The following ST7 variants were observed in gnomAD, a reference collection of about 807,000 sequenced individuals.
ST7 encodes suppressor of tumorigenicity 7 protein.
Under a neutral mutation model 78.7 loss-of-function variants are expected in ST7, and 28 were observed. That is an observed-to-expected ratio of 0.36 (90% CI 0.26 to 0.49). ST7 has a LOEUF of 0.49. Among genes scored for constraint, ST7 ranks in the 20% least tolerant of loss-of-function variants. The pLI is 0.99. For missense variants in ST7, 418 were observed against 696.0 expected (o/e 0.60, Z 4.49); for synonymous variants, 247 against 249.6 (o/e 0.99, Z 0.10).
At chr7:117,103,651 G>A (rs907492603) in intron 2 of ST7, among the ~76,000 whole-genome samples, 1 of 152,180 alleles carries the variant, frequency 6.6e-6, no homozygotes, top group Non-Finnish European at 1.5e-5. Context: ...CACTGTGAAA[G>A]AAAACATTGG....
intron 3 of ST7, among the ~76,000 whole-genome samples, chr7:117,124,915 C>T (rs1243305178): frequency 6.6e-6 from 1 of 152,088 alleles, no homozygotes; most frequent in African/African-American, 2.4e-5. Flanking sequence ...TTGTGGTCAG[C>T]CGGGCTTACT....
At chr7:117,200,676 A>C (rs969013506) in intron 12 of ST7, among the ~76,000 whole-genome samples, 1 of 152,114 alleles carries the variant, frequency 6.6e-6, no homozygotes, top group Non-Finnish European at 1.5e-5. Flanking sequence ...ACTGGGCTTG[A>C]CACAATATGG....
chr7:117,103,545 A>G (rs1419804579), intron 2 of ST7, among the ~76,000 whole-genome samples: 2 of 152,224 alleles, frequency 1.3e-5, no homozygotes, highest in Non-Finnish European at 2.9e-5. Flanking sequence ...CTGAATAACC[A>G]TATGTTGAAG....
intron 14 of ST7, among the ~76,000 whole-genome samples, chr7:117,220,073 A>G (rs1335518506): frequency 6.6e-6 from 1 of 152,140 alleles, no homozygotes. Context: ...AGTTATATCA[A>G]TATCTTATAG....
intron 1 of ST7, chr7:116,972,600 CT>C: frequency 1.4e-6 from 2 of 1,417,350 alleles, no homozygotes; most frequent in Non-Finnish European, 9.9e-7. Flanking sequence ...GGAGTTCCAT[CT>C]TTTCTTCATC....
intron 1 of ST7, among the ~76,000 whole-genome samples, chr7:117,043,231 T>C (rs544789323): frequency 1.4e-4 from 21 of 152,322 alleles, no homozygotes; most frequent in Admixed American, 1.4e-3. Context: ...ATGTATTCAG[T>C]CTTAGTAATT....
intron 10 of ST7, chr7:117,173,313 A>T (rs1388291794): frequency 1.3e-5 from 2 of 152,198 alleles, no homozygotes; most frequent in African/African-American, 4.8e-5. Flanking sequence ...ATGACCTAAC[A>T]CCGACTGAAT....
At chr7:117,217,705 A>G (rs990022538) in intron 13 of ST7, among the ~76,000 whole-genome samples, 5 of 152,150 alleles carry the variant, frequency 3.3e-5, no homozygotes, top group African/African-American at 1.2e-4. Context: ...GGTGTTTTTA[A>G]TGTTTTAATC....
chr7:116,988,876 T>A (rs940759490), intron 1 of ST7, among the ~76,000 whole-genome samples: 1 of 152,318 alleles, frequency 6.6e-6, no homozygotes, highest in South Asian at 2.1e-4. Flanking sequence ...ATATATATAT[T>A]TTTAAAATTC....
chr7:117,060,874 C>T (rs528288058), intron 1 of ST7, among the ~76,000 whole-genome samples: 35 of 152,114 alleles, frequency 2.3e-4, no homozygotes, highest in Middle Eastern at 3.4e-3. Context: ...GGTGTGGTGG[C>T]GGGCGCCTGT....
chr7:117,199,895 A>G (rs1276083580), intron 12 of ST7, among the ~76,000 whole-genome samples: 1 of 152,186 alleles, frequency 6.6e-6, no homozygotes, highest in Non-Finnish European at 1.5e-5. Flanking sequence ...GCTGTTACAA[A>G]CATTCTCCAA....
At chr7:117,025,911 TA>T (rs1796161440) in intron 1 of ST7, among the ~76,000 whole-genome samples, 3 of 152,186 alleles carry the variant, frequency 2.0e-5, no homozygotes, top group Non-Finnish European at 2.9e-5. Flanking sequence ...AGAAATGGAG[TA>T]AAAATATGCA....
chr7:117,218,848 C>T (rs1234478822), intron 13 of ST7, among the ~76,000 whole-genome samples: 1 of 152,222 alleles, frequency 6.6e-6, no homozygotes, highest in Admixed American at 6.5e-5. Flanking sequence ...CTCTGCACCT[C>T]TGTCCCCACC....
intron 1 of ST7, among the ~76,000 whole-genome samples, chr7:116,963,113 A>T (rs1792917882): frequency 6.6e-6 from 1 of 152,242 alleles, no homozygotes; most frequent in Non-Finnish European, 1.5e-5. Context: ...ATTAAACTAT[A>T]TAATAGAATC....
chr7:117,017,492 C>G (rs1191979829), intron 1 of ST7, among the ~76,000 whole-genome samples: 1 of 152,060 alleles, frequency 6.6e-6, no homozygotes, highest in African/African-American at 2.4e-5. Flanking sequence ...GTTTTCCTTC[C>G]TTTCGTTGCT....
At chr7:116,953,750 G>T in intron 1 of ST7, 59 bp downstream of exon 1, 1 of 1,253,702 alleles carries the variant, frequency 8.0e-7, no homozygotes, top group Non-Finnish European at 1.0e-6. Context: ...GAAAGTTAGT[G>T]CAACTCGCGC....
intron 1 of ST7, among the ~76,000 whole-genome samples, chr7:116,957,923 C>A (rs894514886): frequency 2.6e-5 from 4 of 152,344 alleles, no homozygotes; most frequent in South Asian, 2.1e-4. Context: ...TTTCAAAGAT[C>A]TTTGAAATCC....
intron 1 of ST7, among the ~76,000 whole-genome samples, chr7:117,054,439 G>A (rs894645067): frequency 6.6e-6 from 1 of 152,296 alleles, no homozygotes; most frequent in Non-Finnish European, 1.5e-5. Flanking sequence ...ACAATGCGTC[G>A]CACATGCATC....
At chr7:117,160,169 G>A (rs984348677) in intron 9 of ST7, among the ~76,000 whole-genome samples, 1 of 150,100 alleles carries the variant, frequency 6.7e-6, no homozygotes, top group Admixed American at 6.6e-5. Context: ...GGAGGCGGAG[G>A]TTGCAGTGAG....
Sources: gnomAD v4.1 joint callset for allele counts (sites outside exome capture counted in the v4.1 genomes callset) on GRCh38, gnomAD v4.1.1 for gene constraint, MANE v1.5 for transcripts, NCBI Gene and HGNC (gene_info 2026-07-23, HGNC 2026-07-21) for gene names.